Variants in SOX6 observed in about 807,000 individuals in gnomAD.
The protein encoded by SOX6 is SRY-box transcription factor 6.
In SOX6, 11 loss-of-function variants were observed where a neutral mutation model predicts 97.8. The ratio of observed to expected loss-of-function variants is 0.11; its 90% confidence interval spans 0.07 to 0.19. SOX6 has a LOEUF of 0.19. Among genes scored for constraint, SOX6 ranks in the 10% least tolerant of loss-of-function variants. The probability of loss-of-function intolerance (pLI) is 1.00; values close to 1 mark genes in which losing one functional copy is unlikely to be tolerated. For synonymous variants in SOX6, 360 were observed against 371.4 expected (o/e 0.97, Z 0.35); for missense variants, 810 against 1,039.5 (o/e 0.78, Z 3.04).
chr11:16,643,925 ACTGT>A (rs1380108126), intron 3 of SOX6, among the ~76,000 whole-genome samples: 2 of 152,180 alleles, frequency 1.3e-5, no homozygotes, highest in Non-Finnish European at 2.9e-5. Context: ...TCCTGCACCC[ACTGT>A]CTGACACTCC....
intron 6 of SOX6, among the ~76,000 whole-genome samples, chr11:16,126,647 C>A (rs1261245900): frequency 6.6e-6 from 1 of 152,114 alleles, no homozygotes; most frequent in African/African-American, 2.4e-5. Context: ...TCTGACAAAG[C>A]AGACTGTCTA....
intron 3 of SOX6, among the ~76,000 whole-genome samples, chr11:16,618,294 G>A (rs1050010657): frequency 9.9e-5 from 15 of 151,820 alleles, no homozygotes; most frequent in African/African-American, 3.6e-4. Context: ...CTCTGAAAAT[G>A]ATTTGAAAAG....
At chr11:16,601,103 G>A (rs7927904) in intron 4 of SOX6, among the ~76,000 whole-genome samples, 40,376 of 151,966 alleles carry the variant, frequency 0.27, 6,131 homozygotes, top group East Asian at 0.53. Context: ...CCCAAAGATA[G>A]TCCATTTCTT....
chr11:16,319,701 C>T (rs1194869935), intron 2 of SOX6, among the ~76,000 whole-genome samples: 2 of 152,188 alleles, frequency 1.3e-5, no homozygotes, highest in African/African-American at 4.8e-5. Context: ...CATAGTATTT[C>T]ATTGTGTATA....
At chr11:16,637,951 T>C (rs1192634287) in intron 3 of SOX6, among the ~76,000 whole-genome samples, 2 of 151,634 alleles carry the variant, frequency 1.3e-5, no homozygotes, top group Non-Finnish European at 2.9e-5. Flanking sequence ...CTAGGGTACA[T>C]GTGCACAATG....
chr11:16,265,890 C>A (rs10734239), intron 3 of SOX6, among the ~76,000 whole-genome samples: 118,668 of 150,930 alleles, frequency 0.79, 46,561 homozygotes, highest in Middle Eastern at 0.81. Flanking sequence ...TAGAAACTAT[C>A]TAAAATGAAA....
intron 4 of SOX6, among the ~76,000 whole-genome samples, chr11:16,516,421 T>C (rs1363665515): frequency 6.6e-6 from 1 of 152,200 alleles, no homozygotes; most frequent in Non-Finnish European, 1.5e-5. Flanking sequence ...TTTGCTGAAG[T>C]TGCTTATGAG....
chr11:16,425,175 T>C (rs912374478), intron 1 of SOX6, among the ~76,000 whole-genome samples: 1 of 152,252 alleles, frequency 6.6e-6, no homozygotes, highest in Non-Finnish European at 1.5e-5. Context: ...CCCTTTGGAC[T>C]GGCCCAATGC....
intron 2 of SOX6, among the ~76,000 whole-genome samples, chr11:16,325,621 C>T (rs2134314772): frequency 6.6e-6 from 1 of 152,124 alleles, no homozygotes; most frequent in Admixed American, 6.6e-5. Context: ...AAAAAATAAA[C>T]AAGATTTCTT....
chr11:16,316,722 T>C (rs1170788478), intron 3 of SOX6: 1 of 152,142 alleles, frequency 6.6e-6, no homozygotes, highest in African/African-American at 2.4e-5. Flanking sequence ...CACTTACTTA[T>C]AGAACTGAAA....
At chr11:16,245,780 G>A (rs967112417) in intron 3 of SOX6, among the ~76,000 whole-genome samples, 6 of 151,044 alleles carry the variant, frequency 4.0e-5, no homozygotes, top group African/African-American at 1.5e-4. Flanking sequence ...GTGTTTTCAT[G>A]GTACATCTTC....
intron 1 of SOX6, among the ~76,000 whole-genome samples, chr11:16,364,830 A>G (rs1355947195): frequency 6.6e-6 from 1 of 152,126 alleles, no homozygotes; most frequent in Non-Finnish European, 1.5e-5. Context: ...TTGGAGTCAG[A>G]TAACTATAGA....
intron 4 of SOX6, among the ~76,000 whole-genome samples, chr11:16,560,407 A>ATGTTTATACG (rs1847795220): frequency 6.7e-6 from 1 of 150,108 alleles, no homozygotes; most frequent in African/African-American, 2.4e-5. Flanking sequence ...ATGTAAATAT[A>ATGTTTATACG]TACATATATA....
chr11:16,536,719 C>G (rs1465913614), intron 4 of SOX6, among the ~76,000 whole-genome samples: 1 of 152,218 alleles, frequency 6.6e-6, no homozygotes, highest in Non-Finnish European at 1.5e-5. Context: ...AGTCTGAGAT[C>G]AACCTGTAAG....
intron 3 of SOX6, among the ~76,000 whole-genome samples, chr11:16,295,387 A>C: frequency 6.6e-6 from 1 of 152,100 alleles, no homozygotes; most frequent in East Asian, 1.9e-4. Flanking sequence ...GCAAAGTAAA[A>C]CCTAATAGCA....
chr11:16,640,065 T>G (rs1412826397), intron 3 of SOX6, among the ~76,000 whole-genome samples: 1 of 152,222 alleles, frequency 6.6e-6, no homozygotes, highest in Non-Finnish European at 1.5e-5. Flanking sequence ...ATAGCTCTTA[T>G]TATTTTGAGA....
intron 4 of SOX6, among the ~76,000 whole-genome samples, chr11:16,553,705 T>C (rs1019118478): frequency 3.3e-5 from 5 of 152,024 alleles, no homozygotes; most frequent in African/African-American, 7.2e-5. Context: ...CCATCTAACA[T>C]AGATTGGTGC....
At chr11:16,010,923 T>TAATAATAATC (rs1315293891) in intron 13 of SOX6, among the ~76,000 whole-genome samples, 1 of 152,066 alleles carries the variant, frequency 6.6e-6, no homozygotes, top group Non-Finnish European at 1.5e-5. Context: ...ATCAAGATTC[T>TAATAATAATC]AATAATAATC....
intron 1 of SOX6, among the ~76,000 whole-genome samples, chr11:16,402,278 T>C (rs1369376478): frequency 6.6e-6 from 1 of 151,674 alleles, no homozygotes; most frequent in Non-Finnish European, 1.5e-5. Context: ...TCCTGTAAAC[T>C]TTCAGTGATG....
Sources: allele counts gnomAD v4.1 joint callset (sites outside exome capture counted in the v4.1 genomes callset), GRCh38; gene constraint gnomAD v4.1.1; transcripts MANE v1.5; gene names NCBI Gene and HGNC (gene_info 2026-07-23, HGNC 2026-07-21).